Variants in STAG1 observed in about 807,000 individuals in gnomAD.
STAG1 encodes the protein cohesin subunit SA-1.
A neutral mutation model predicts 170.9 loss-of-function variants in STAG1; 26 were observed. The ratio of observed to expected loss-of-function variants is 0.15; its 90% CI spans 0.11 to 0.21. The LOEUF is 0.21. STAG1 is among the 10% of genes least tolerant of loss of function. The pLI is 1.00. For missense variants in STAG1, 964 were observed against 1,509.5 expected, an observed-to-expected ratio of 0.64 and a Z score of 5.99; for synonymous variants, 514 against 497.7, an observed-to-expected ratio of 1.03 and a Z score of -0.44.
chr3:136,636,466 TTAAC>T (rs1476321664), intron 1 of STAG1, among the ~76,000 whole-genome samples: 2 of 152,190 alleles, frequency 1.3e-5, no homozygotes, highest in Non-Finnish European at 2.9e-5. Context: ...TTAATGGAAT[TTAAC>T]TATTTTACTC....
At chr3:136,730,766 G>C (rs1933997149) in intron 1 of STAG1, among the ~76,000 whole-genome samples, 2 of 152,174 alleles carry the variant, frequency 1.3e-5, no homozygotes, top group Admixed American at 1.3e-4. Context: ...ACTTCACTCT[G>C]CTCATGACTT....
At chr3:136,592,316 CAGTG>C (rs1185742103) in intron 4 of STAG1, among the ~76,000 whole-genome samples, 12 of 152,102 alleles carry the variant, frequency 7.9e-5, no homozygotes, top group African/African-American at 2.4e-4. Flanking sequence ...GTTCTCATGA[CAGTG>C]AGTGAGTCCT....
intron 7 of STAG1, 87 bp downstream of exon 7, chr3:136,521,126 A>G (rs1934649680): frequency 1.8e-6 from 2 of 1,095,916 alleles, no homozygotes; most frequent in Non-Finnish European, 2.6e-6. Context: ...TTAAATTTTT[A>G]ATTAAATCTT....
chr3:136,352,852 G>A (rs1936488271), intron 28 of STAG1, among the ~76,000 whole-genome samples: 1 of 152,152 alleles, frequency 6.6e-6, no homozygotes, highest in Non-Finnish European at 1.5e-5. Flanking sequence ...GGTAGATTAG[G>A]TGTATTAAAT....
At chr3:136,663,574 A>G (rs1210366956) in intron 1 of STAG1, among the ~76,000 whole-genome samples, 1 of 152,220 alleles carries the variant, frequency 6.6e-6, no homozygotes, top group African/African-American at 2.4e-5. Flanking sequence ...CCTAAAAATA[A>G]GCATGGCTCC....
chr3:136,525,442 T>C (rs1248099760), intron 6 of STAG1, among the ~76,000 whole-genome samples: 1 of 152,160 alleles, frequency 6.6e-6, no homozygotes, highest in African/African-American at 2.4e-5. Flanking sequence ...GGTGGTGATA[T>C]CCCCTTTATC....
Position 136,595,676 on chromosome 3 carries a change from C to CAATA in STAG1, c.297+8629_297+8632dup, listed in dbSNP as rs59472050. On this transcript the variant is annotated intron_variant, in intron 4 of 33. Transcript: ENST00000383202. ...TGGGCGACAGAGCAAGACTCCATCTCAATAAATAAATAAATAAATAAATAA... is the reference window on the plus strand; with the variant it reads ...TGGGCGACAGAGCAAGACTCCATCTCAATAAATAAATAAATAAATAAATAAATAA... Among the ~76,000 whole-genome samples, 1,169 of 127,414 alleles carry CAATA rather than the reference C, an allele frequency of 9.2e-3. 4 individuals carry two copies. Among genetic ancestry groups the CAATA allele is most frequent in the African/African-American group, 0.014 (469 of 32,886 alleles). 83.6% of individuals were successfully genotyped at this position (127,414 alleles called of 152,430 possible). A position where few individuals can be genotyped will look rare whatever the true frequency, so the allele number is the denominator to read the frequency against.
intron 9 of STAG1, among the ~76,000 whole-genome samples, chr3:136,496,155 C>G (rs1318101174): frequency 6.6e-6 from 1 of 151,680 alleles, no homozygotes; most frequent in Non-Finnish European, 1.5e-5. Context: ...AAAAAACAAA[C>G]AAACAAACAA....
intron 6 of STAG1, among the ~76,000 whole-genome samples, chr3:136,541,584 A>C (rs961685470): frequency 8.7e-5 from 13 of 148,980 alleles, no homozygotes; most frequent in East Asian, 2.0e-4. Context: ...ACACACACAC[A>C]CCAGGGGTTT....
At chr3:136,718,859 G>A (rs577754999) in intron 1 of STAG1, among the ~76,000 whole-genome samples, 8 of 152,168 alleles carry the variant, frequency 5.3e-5, no homozygotes, top group Middle Eastern at 6.8e-3. Context: ...CCTGGGAGAC[G>A]GAGGTTGCGG....
At chr3:136,490,870 C>T (rs530567987) in intron 9 of STAG1, among the ~76,000 whole-genome samples, 2 of 152,180 alleles carry the variant, frequency 1.3e-5, no homozygotes, top group African/African-American at 2.4e-5. Context: ...TATGGCCTAA[C>T]AACTTTGTTA....
At chr3:136,668,666 C>T (rs553524207) in intron 1 of STAG1, among the ~76,000 whole-genome samples, 95 of 152,094 alleles carry the variant, frequency 6.2e-4, no homozygotes, top group African/African-American at 2.2e-3. Flanking sequence ...GATCTGCCAG[C>T]CCAGCAGAGA....
At chr3:136,487,810 G>C (rs910494534) in intron 9 of STAG1, among the ~76,000 whole-genome samples, 2 of 152,178 alleles carry the variant, frequency 1.3e-5, no homozygotes, top group Non-Finnish European at 2.9e-5. Flanking sequence ...TAATGTAGTA[G>C]AAATGAGGAA....
intron 1 of STAG1, among the ~76,000 whole-genome samples, chr3:136,677,579 G>A (rs893256943): frequency 1.8e-4 from 27 of 152,172 alleles, no homozygotes; most frequent in South Asian, 4.1e-4. Context: ...AAGTAATTAA[G>A]GCATGAGGAC....
At chr3:136,532,108 T>C (rs1935404728) in intron 6 of STAG1, among the ~76,000 whole-genome samples, 1 of 151,846 alleles carries the variant, frequency 6.6e-6, no homozygotes, top group South Asian at 2.1e-4. Context: ...AACCACTAGC[T>C]AGATTAACAA....
intron 4 of STAG1, among the ~76,000 whole-genome samples, chr3:136,602,381 C>CAAAAA (rs397819185): frequency 3.7e-5 from 3 of 81,718 alleles, no homozygotes; most frequent in Non-Finnish European, 4.9e-5. Flanking sequence ...CCATCTCAAA[C>CAAAAA]AAAAAAAAAA....
chr3:136,490,771 A>C (rs1419393509), intron 9 of STAG1, among the ~76,000 whole-genome samples: 1 of 152,184 alleles, frequency 6.6e-6, no homozygotes, highest in Non-Finnish European at 1.5e-5. Context: ...TGTAACATAA[A>C]AGGATGAAAA....
At chr3:136,597,732 T>C (rs925856883) in intron 4 of STAG1, among the ~76,000 whole-genome samples, 6 of 152,100 alleles carry the variant, frequency 3.9e-5, no homozygotes, top group African/African-American at 1.4e-4. Context: ...TTCAACACAA[T>C]TATATCCTCT....
chr3:136,369,097 G>A lies in STAG1; in HGVS notation c.2545+11C>T. On this transcript the variant is annotated intron_variant, in intron 24 of 33. Coordinates refer to ENST00000383202, the MANE Select transcript of STAG1 (RefSeq NM_005862.3). ...AAAAATCAATATTGACAAGATGATA[G>A]CTACAAGTACCCATGCTCTGGTTCT... The A allele has an allele frequency of 6.8e-7, 1 of 1,475,668 alleles. No individual in the cohort carries two copies. Among genetic ancestry groups the A allele is most frequent in the Non-Finnish European group, 9.0e-7 (1 of 1,112,840 alleles). The allele number at this position is 1,475,668 out of a possible 1,614,324, so 91.4% of individuals were successfully genotyped here. A position where few individuals can be genotyped will look rare whatever the true frequency, so the allele number is the denominator to read the frequency against.
Sources: gnomAD v4.1 joint callset for allele counts (sites outside exome capture counted in the v4.1 genomes callset) on GRCh38, gnomAD v4.1.1 for gene constraint, MANE v1.5 for transcripts, NCBI Gene and HGNC (gene_info 2026-07-23, HGNC 2026-07-21) for gene names.